The following STAU1 variants were observed in gnomAD, a reference collection of about 807,000 sequenced individuals.
STAU1 encodes the protein double-stranded RNA-binding protein Staufen homolog 1.
In STAU1, 13 loss-of-function variants were observed where a neutral mutation model predicts 62.9. The ratio of observed to expected loss-of-function variants is 0.21; its 90% CI spans 0.13 to 0.33. The LOEUF is 0.33. Among genes scored for constraint, STAU1 ranks in the 10% least tolerant of loss-of-function variants. STAU1 has a pLI of 1.00. For missense variants in STAU1, 571 were observed against 712.1 expected, an observed-to-expected ratio of 0.80 and a Z score of 2.25; for synonymous variants, 269 against 265.1, an observed-to-expected ratio of 1.01 and a Z score of -0.14.
chr20:49,173,506 AT>A (rs1334839944), intron 2 of STAU1, among the ~76,000 whole-genome samples: 1 of 152,216 alleles, frequency 6.6e-6, no homozygotes, highest in Admixed American at 6.5e-5. Context: ...GTTTAAAACC[AT>A]TCACTGAGCT....
chr20:49,196,285 A>C, the STAU1 span, among the ~76,000 whole-genome samples: 2 of 151,134 alleles, frequency 1.3e-5, no homozygotes, highest in Non-Finnish European at 1.5e-5. Context: ...AAATACAAAA[A>C]ATTAGCCGGG....
At chr20:49,206,949 T>C in the STAU1 span, among the ~76,000 whole-genome samples, 1 of 150,630 alleles carries the variant, frequency 6.6e-6, no homozygotes, top group African/African-American at 2.4e-5. Context: ...AGAGACGGGG[T>C]TTCACCATGT....
the STAU1 span, among the ~76,000 whole-genome samples, chr20:49,198,981 CA>C: frequency 6.6e-6 from 1 of 150,828 alleles, no homozygotes; most frequent in African/African-American, 2.4e-5. Context: ...GCCCCCCCGC[CA>C]AAAAAATACA....
the STAU1 span, chr20:49,219,280 G>A: frequency 9.8e-6 from 14 of 1,432,448 alleles, no homozygotes; most frequent in East Asian, 2.5e-5. Flanking sequence ...AACCAACCAC[G>A]CCCCATATTG....
chr20:49,210,465 C>T, the STAU1 span: 43 of 455,910 alleles, frequency 9.4e-5, no homozygotes, highest in East Asian at 2.8e-3. Flanking sequence ...CTCCTCTTCT[C>T]TCTCTCCTTT....
At chr20:49,153,710 C>CCAA (rs2093302660) in intron 4 of STAU1, among the ~76,000 whole-genome samples, 1 of 67,610 alleles carries the variant, frequency 1.5e-5, no homozygotes, top group Non-Finnish European at 2.7e-5. Flanking sequence ...GACTCTGTCT[C>CCAA]AAAAAAAAAA....
intron 3 of STAU1, chr20:49,158,887 A>G (rs2093406144): frequency 8.5e-7 from 1 of 1,176,254 alleles, no homozygotes; most frequent in Admixed American, 2.5e-5. Flanking sequence ...TGGGCCACAG[A>G]ATGAGACTCC....
At chr20:49,207,502 T>A in the STAU1 span, among the ~76,000 whole-genome samples, 1 of 152,180 alleles carries the variant, frequency 6.6e-6, no homozygotes. Flanking sequence ...TAAATGAATT[T>A]TAAATTTTTT....
intron 1 of STAU1, among the ~76,000 whole-genome samples, chr20:49,176,268 A>T (rs533553936): frequency 6.6e-6 from 1 of 152,338 alleles, no homozygotes; most frequent in South Asian, 2.1e-4. Context: ...GGCATTGGGT[A>T]CATAAATAGT....
chr20:49,141,947 T>C (rs1263089149), intron 5 of STAU1, among the ~76,000 whole-genome samples: 1 of 151,846 alleles, frequency 6.6e-6, no homozygotes. Flanking sequence ...TCCAAACTTA[T>C]AAGTTTATAC....
intron 2 of STAU1, among the ~76,000 whole-genome samples, chr20:49,172,985 C>T (rs1172200353): frequency 8.0e-6 from 1 of 125,126 alleles, no homozygotes; most frequent in African/African-American, 2.8e-5. Context: ...TCACGCCATT[C>T]TCCCGCCCCC....
chr20:49,126,035 T>TA (rs767949887), intron 6 of STAU1, among the ~76,000 whole-genome samples: 3 of 151,928 alleles, frequency 2.0e-5, no homozygotes, highest in Non-Finnish European at 2.9e-5. Context: ...AGCTGCATAT[T>TA]AAAGTGATTA....
chr20:49,205,481 C>T, the STAU1 span, among the ~76,000 whole-genome samples: 1 of 150,932 alleles, frequency 6.6e-6, no homozygotes, highest in Non-Finnish European at 1.5e-5. Flanking sequence ...TTCTCCTGCC[C>T]CGTCCTCCTG....
chr20:49,196,892 C>T, the STAU1 span, among the ~76,000 whole-genome samples: 1 of 151,962 alleles, frequency 6.6e-6, no homozygotes. Context: ...CGTGGTGGCT[C>T]ACGCCTGTAA....
At chr20:49,150,636 C>T (rs1291751132) in intron 5 of STAU1, among the ~76,000 whole-genome samples, 2 of 152,168 alleles carry the variant, frequency 1.3e-5, no homozygotes, top group African/African-American at 4.8e-5. Flanking sequence ...GCTGGGATTA[C>T]AGGCGTGAGC....
chr20:49,176,848 G>C (rs1268565188), intron 1 of STAU1, among the ~76,000 whole-genome samples: 1 of 151,822 alleles, frequency 6.6e-6, no homozygotes, highest in East Asian at 1.9e-4. Context: ...TTGTAAGTTT[G>C]GGTGTCTAGT....
intron 1 of STAU1, among the ~76,000 whole-genome samples, chr20:49,175,566 G>A (rs1384929400): frequency 1.3e-5 from 2 of 151,770 alleles, no homozygotes; most frequent in African/African-American, 4.8e-5. Flanking sequence ...TGCAACCTCC[G>A]CCTCCCGGGT....
intron 5 of STAU1, among the ~76,000 whole-genome samples, chr20:49,148,806 G>T (rs2093180778): frequency 6.6e-6 from 1 of 152,210 alleles, no homozygotes; most frequent in African/African-American, 2.4e-5. Context: ...GGGAGACTCA[G>T]AAACACCAAC....
chr20:49,136,514 C>G (rs1368761639), intron 5 of STAU1, among the ~76,000 whole-genome samples: 1 of 152,158 alleles, frequency 6.6e-6, no homozygotes, highest in African/African-American at 2.4e-5. Flanking sequence ...ATGTGTCAGC[C>G]TGACTGTGGT....
Sources: allele counts gnomAD v4.1 joint callset (sites outside exome capture counted in the v4.1 genomes callset), GRCh38; gene constraint gnomAD v4.1.1; transcripts MANE v1.5; gene names NCBI Gene and HGNC (gene_info 2026-07-23, HGNC 2026-07-21).